The following ANKS1B variants were observed in gnomAD, a reference collection of about 807,000 sequenced individuals.
ANKS1B encodes the protein ankyrin repeat and sterile alpha motif domain-containing protein 1B.
In ANKS1B, 36 loss-of-function variants were observed where a neutral mutation model predicts 148.3. The ratio of observed to expected loss-of-function variants is 0.24; its 90% CI spans 0.19 to 0.32. The LOEUF (loss-of-function observed/expected upper bound fraction) is 0.32. Among genes scored for constraint, ANKS1B ranks in the 10% least tolerant of loss-of-function variants. The probability of loss-of-function intolerance (pLI) is 1.00; values close to 1 mark genes in which losing one functional copy is unlikely to be tolerated. For missense variants in ANKS1B, 1,157 were observed against 1,542.6 expected (o/e 0.75, Z 4.19); for synonymous variants, 542 against 560.8 (o/e 0.97, Z 0.47).
chr12:99,425,175 C>A (rs1393228643), intron 11 of ANKS1B, among the ~76,000 whole-genome samples: 1 of 151,862 alleles, frequency 6.6e-6, no homozygotes, highest in Non-Finnish European at 1.5e-5. Context: ...AACACACACC[C>A]ACAGTTGTAC....
intron 8 of ANKS1B, chr12:99,706,415 T>C (rs1225319618): frequency 6.6e-6 from 1 of 152,086 alleles, no homozygotes; most frequent in Non-Finnish European, 1.5e-5. Flanking sequence ...GACTTTATGA[T>C]ATTATATAAT....
At chr12:99,419,305 A>T (rs535949989) in intron 11 of ANKS1B, among the ~76,000 whole-genome samples, 86 of 152,308 alleles carry the variant, frequency 5.6e-4, no homozygotes, top group African/African-American at 2.0e-3. Flanking sequence ...GGCTATTCAC[A>T]TTATGTATTA....
rs112697914 is a variant in ANKS1B, at chr12:99,718,192, G to A, written c.1128+54730C>T. On this transcript the variant is annotated intron_variant, in intron 8 of 26. Transcript: ENST00000683438. Reference sequence around the variant, plus strand: ...TGGGATTACAGGCGTGAGCCACCGCGCCCAGCCGACAATACTCTTTTAAGC... The same window carrying A: ...TGGGATTACAGGCGTGAGCCACCGCACCCAGCCGACAATACTCTTTTAAGC... 7.7e-3 allele frequency among the ~76,000 whole-genome samples: 1,166 copies of A among 152,146 alleles called. 23 individuals are homozygous for A. Among genetic ancestry groups the A allele is most frequent in the East Asian group, 0.048 (247 of 5,148 alleles).
chr12:99,513,244 T>C (rs1484019570), intron 9 of ANKS1B, among the ~76,000 whole-genome samples: 1 of 152,020 alleles, frequency 6.6e-6, no homozygotes, highest in Non-Finnish European at 1.5e-5. Context: ...TTTTTAGACA[T>C]AATGCTATTG....
At chr12:98,852,463 G>A (rs1215223229) in intron 17 of ANKS1B, among the ~76,000 whole-genome samples, 1 of 152,120 alleles carries the variant, frequency 6.6e-6, no homozygotes, top group African/African-American at 2.4e-5. Context: ...GGAAGAACAG[G>A]GTTGGCAGGG....
intron 6 of ANKS1B, among the ~76,000 whole-genome samples, chr12:99,778,631 ATTTAAT>A (rs1039783437): frequency 3.9e-5 from 6 of 152,214 alleles, no homozygotes; most frequent in South Asian, 4.1e-4. Flanking sequence ...CTTTTATTCA[ATTTAAT>A]TTTAATTTTA....
At chr12:99,001,019 A>G (rs2099932657) in intron 17 of ANKS1B, among the ~76,000 whole-genome samples, 1 of 151,812 alleles carries the variant, frequency 6.6e-6, no homozygotes, top group Non-Finnish European at 1.5e-5. Flanking sequence ...ATAATATTCC[A>G]ATTTACGTAT....
chr12:99,534,710 C>CT (rs143251962), intron 9 of ANKS1B, among the ~76,000 whole-genome samples: 2,937 of 123,812 alleles, frequency 0.024, 63 homozygotes, highest in East Asian at 0.1. Context: ...TTTTTCTTTT[C>CT]TTTTTTTTTT....
intron 17 of ANKS1B, among the ~76,000 whole-genome samples, chr12:99,007,329 G>C (rs1313439892): frequency 1.3e-5 from 2 of 152,242 alleles, no homozygotes; most frequent in Non-Finnish European, 2.9e-5. Context: ...TATGGAAACA[G>C]ATGTGAAGAT....
At chr12:99,151,384 C>T (rs555655069) in intron 15 of ANKS1B, among the ~76,000 whole-genome samples, 13 of 152,004 alleles carry the variant, frequency 8.6e-5, no homozygotes, top group East Asian at 7.8e-4. Context: ...AAAAATTAGC[C>T]GGGTGTGGTG....
rs80129802 is a variant in ANKS1B at position 99,164,826 on chromosome 12, C to T, written c.2420-10431G>A. Among the ~76,000 whole-genome samples the T allele has an allele frequency of 7.7e-3, 1,169 of 152,110 alleles. 15 individuals are homozygous for T. The highest frequency in any genetic ancestry group is 0.026 in the African/African-American group (1,089 of 41,558). On this transcript the variant is annotated intron_variant, in intron 14 of 26. Transcript: ENST00000683438. ...TAGAATTTCCTCACAGTATATTCCT[C>T]CTATTTAAAGAGTCTTTATTTAATA...
intron 17 of ANKS1B, among the ~76,000 whole-genome samples, chr12:99,006,951 T>C (rs1049514713): frequency 2.0e-5 from 3 of 152,204 alleles, no homozygotes; most frequent in Non-Finnish European, 4.4e-5. Context: ...GGAGCCTACA[T>C]AAATTCTTAA....
At chr12:99,132,221 C>T (rs1007273729) in intron 15 of ANKS1B, among the ~76,000 whole-genome samples, 4 of 152,080 alleles carry the variant, frequency 2.6e-5, no homozygotes, top group Non-Finnish European at 4.4e-5. Flanking sequence ...GAGAAAGAAG[C>T]CAGGTGAGAA....
At chr12:99,698,360 G>C (rs1164471113) in intron 8 of ANKS1B, among the ~76,000 whole-genome samples, 1 of 152,094 alleles carries the variant, frequency 6.6e-6, no homozygotes, top group African/African-American at 2.4e-5. Context: ...TGGTGGCATT[G>C]CTGGTATTGT....
chr12:99,450,370 A>G lies in ANKS1B; in HGVS notation c.1439-6561T>C, dbSNP rs182298830. On this transcript the variant is annotated intron_variant, in intron 10 of 26. Transcript: ENST00000683438. ...GATACATCCCAAATAATGTTTAGCC[A>G]AATGTGTGGGCATCTCACGGACTAG... 1.8e-3 allele frequency among the ~76,000 whole-genome samples: 277 copies of G among 152,324 alleles called. 1 individual carries two copies. Among genetic ancestry groups the G allele is most frequent in the South Asian group, 0.015 (72 of 4,828 alleles).
intron 9 of ANKS1B, among the ~76,000 whole-genome samples, chr12:99,594,121 G>A (rs914039341): frequency 2.6e-5 from 4 of 151,952 alleles, no homozygotes; most frequent in African/African-American, 9.7e-5. Flanking sequence ...GCCTCATAGG[G>A]TTGTTATAAA....
rs953197302 is a variant in ANKS1B, at chr12:99,010,754, A to T, written c.2778+42403T>A. Among the ~76,000 whole-genome samples the T allele has an allele frequency of 5.1e-3, 654 of 127,072 alleles. 4 individuals are homozygous for T. Among genetic ancestry groups the T allele is most frequent in the African/African-American group, 0.02 (581 of 28,382 alleles). 83.4% of individuals were successfully genotyped at this position (127,072 alleles called of 152,430 possible). A position where few individuals can be genotyped will look rare whatever the true frequency, so the allele number is the denominator to read the frequency against. On this transcript the variant is annotated intron_variant, in intron 17 of 26. Coordinates refer to ENST00000683438, the MANE Select transcript of ANKS1B (RefSeq NM_001352186.2). ...CTCCAGCATTATTATTATTATTATT[A>T]TTATTATTTTTTTTTGAGACAGGGT...
intron 8 of ANKS1B, among the ~76,000 whole-genome samples, chr12:99,725,614 A>C (rs1041937668): frequency 3.9e-5 from 6 of 152,194 alleles, no homozygotes; most frequent in Non-Finnish European, 5.9e-5. Flanking sequence ...AAAATTAACA[A>C]GGATATTCAG....
At chr12:98,735,833 T>C (rs1335293555) in intron 9 of ANKS1B, among the ~76,000 whole-genome samples, 4 of 152,100 alleles carry the variant, frequency 2.6e-5, no homozygotes, top group Admixed American at 6.5e-5. Context: ...ATAGTGAATT[T>C]GGTGGTATGT....
Sources: gnomAD v4.1 joint callset for allele counts (sites outside exome capture counted in the v4.1 genomes callset) on GRCh38, gnomAD v4.1.1 for gene constraint, MANE v1.5 for transcripts, NCBI Gene and HGNC (gene_info 2026-07-23, HGNC 2026-07-21) for gene names.